The following DENND2A variants were observed in gnomAD, a reference collection of about 807,000 sequenced individuals.
DENND2A encodes DENN domain-containing protein 2A.
DENND2A carries 53 observed loss-of-function variants against 105.3 expected under a neutral mutation model. The observed-to-expected ratio is 0.50, with a 90% CI of 0.40 to 0.63. DENND2A has a LOEUF of 0.63. Among genes scored for constraint, DENND2A ranks in the 30% least tolerant of loss-of-function variants. The probability of loss-of-function intolerance (pLI) is 0.00; values close to 1 mark genes in which losing one functional copy is unlikely to be tolerated. For synonymous variants in DENND2A, 522 were observed against 508.4 expected (o/e 1.03, Z -0.36); for missense variants, 1,138 against 1,279.6 (o/e 0.89, Z 1.69).
intron 14 of DENND2A, among the ~76,000 whole-genome samples, chr7:140,533,802 G>T (rs1796356295): frequency 6.6e-6 from 1 of 152,272 alleles, no homozygotes; most frequent in East Asian, 1.9e-4. Context: ...TCTGTACCTG[G>T]TTATCATGAA....
At chr7:140,550,494 T>C (rs1047035984) in intron 12 of DENND2A, among the ~76,000 whole-genome samples, 1 of 152,184 alleles carries the variant, frequency 6.6e-6, no homozygotes, top group African/African-American at 2.4e-5. Flanking sequence ...CTAATTTTTG[T>C]ATTTTTAGTA....
chr7:140,544,535 A>T, intron 14 of DENND2A, 83 bp downstream of exon 14: 1 of 1,570,590 alleles, frequency 6.4e-7, no homozygotes, highest in Admixed American at 1.7e-5. Context: ...CTTCAATGCT[A>T]GGCGGTCACC....
chr7:140,544,519 C>A, intron 14 of DENND2A, 99 bp downstream of exon 14: 1 of 1,500,502 alleles, frequency 6.7e-7, no homozygotes, highest in East Asian at 2.3e-5. Flanking sequence ...CTCAGAAGGG[C>A]TTACTCTTCA....
At chr7:140,595,131 C>G (rs1367015421) in intron 3 of DENND2A, among the ~76,000 whole-genome samples, 1 of 152,058 alleles carries the variant, frequency 6.6e-6, no homozygotes, top group African/African-American at 2.4e-5. Flanking sequence ...CTCAGCCTCC[C>G]GAGGAGCTGG....
chr7:140,639,194 A>G (rs1028236533), intron 1 of DENND2A, among the ~76,000 whole-genome samples: 27 of 152,044 alleles, frequency 1.8e-4, no homozygotes, highest in East Asian at 5.8e-4. Flanking sequence ...TCTACTAAAA[A>G]TACAAAAATT....
intron 1 of DENND2A, among the ~76,000 whole-genome samples, chr7:140,623,349 C>T (rs1042728558): frequency 3.3e-5 from 5 of 151,298 alleles, no homozygotes; most frequent in African/African-American, 1.2e-4. Flanking sequence ...CCTTTCCCTC[C>T]CAGAGGAGAC....
intron 5 of DENND2A, among the ~76,000 whole-genome samples, chr7:140,580,609 T>C (rs532520897): frequency 6.6e-6 from 1 of 152,254 alleles, no homozygotes; most frequent in Non-Finnish European, 1.5e-5. Flanking sequence ...CATGGACCAC[T>C]GCACCCAGCC....
chr7:140,536,688 G>A (rs1170755358), intron 14 of DENND2A, among the ~76,000 whole-genome samples: 1 of 151,286 alleles, frequency 6.6e-6, no homozygotes, highest in Non-Finnish European at 1.5e-5. Context: ...TTTTTGAAAT[G>A]GAGTCTTGCT....
chr7:140,547,008 T>C (rs965024543), intron 12 of DENND2A, 69 bp from the exon 13 acceptor site: 1 of 1,552,836 alleles, frequency 6.4e-7, no homozygotes, highest in African/African-American at 1.4e-5. Context: ...CAGTTCTAGG[T>C]GAAGTGGGCC....
At chr7:140,541,429 G>A (rs372817874) in intron 14 of DENND2A, among the ~76,000 whole-genome samples, 1 of 152,034 alleles carries the variant, frequency 6.6e-6, no homozygotes, top group Non-Finnish European at 1.5e-5. Context: ...CACCACTCCT[G>A]GGGGGTGCTG....
chr7:140,560,791 G>T (rs896842054), intron 9 of DENND2A, among the ~76,000 whole-genome samples: 1 of 152,074 alleles, frequency 6.6e-6, no homozygotes, highest in Non-Finnish European at 1.5e-5. Flanking sequence ...AAAATTAGCT[G>T]GGTGTGGTGG....
chr7:140,580,904 T>A (rs1286275262), intron 5 of DENND2A, among the ~76,000 whole-genome samples: 1 of 150,674 alleles, frequency 6.6e-6, no homozygotes, highest in East Asian at 2.0e-4. Context: ...CCCAAAGTGC[T>A]GGGATTACAG....
intron 13 of DENND2A, among the ~76,000 whole-genome samples, chr7:140,545,341 G>A (rs972528142): frequency 6.6e-5 from 10 of 152,080 alleles, no homozygotes; most frequent in African/African-American, 2.4e-4. Flanking sequence ...TTCAGCTTTT[G>A]TGCTTTGTGT....
chr7:140,564,659 A>G (rs1797762722), intron 9 of DENND2A, among the ~76,000 whole-genome samples: 2 of 152,194 alleles, frequency 1.3e-5, no homozygotes, highest in African/African-American at 4.8e-5. Context: ...GTGAATGTGC[A>G]ACTTTACTCT....
chr7:140,559,566 A>G lies in DENND2A; in HGVS notation c.1889+142T>C, dbSNP rs1797529391. On this transcript the variant is annotated intron_variant, in intron 10 of 19. Transcript: ENST00000496613. The surrounding 1 kb of genome is among the most constrained non-coding windows in gnomAD (Gnocchi z 4.1). Reference sequence around the variant, plus strand: ...CTTCACCTTCAGGGAAGCTTTAAAAACACCCCTTGGGGAAAGCTCTAGGCC... The same window carrying G: ...CTTCACCTTCAGGGAAGCTTTAAAAGCACCCCTTGGGGAAAGCTCTAGGCC... The G allele has an allele frequency of 1.6e-6, 1 of 627,836 alleles. No homozygotes were observed. The highest frequency in any genetic ancestry group is 1.9e-5 in the African/African-American group (1 of 53,510). 38.9% of individuals were successfully genotyped at this position (627,836 alleles called of 1,614,324 possible). A position where few individuals can be genotyped will look rare whatever the true frequency, so the allele number is the denominator to read the frequency against.
upstream of DENND2A, among the ~76,000 whole-genome samples, chr7:140,640,979 G>C (rs573925276): frequency 8.4e-4 from 126 of 150,746 alleles, no homozygotes; most frequent in African/African-American, 2.9e-3. The surrounding 1 kb of genome is among the most constrained non-coding windows in gnomAD (Gnocchi z 4.9). Flanking sequence ...CTCGCCTCTC[G>C]GGGTGGGGGA....
chr7:140,625,900 C>T (rs1232173054), intron 1 of DENND2A, among the ~76,000 whole-genome samples: 1 of 152,068 alleles, frequency 6.6e-6, no homozygotes, highest in Non-Finnish European at 1.5e-5. Context: ...GTTTTGACAC[C>T]TCAAATTAAG....
At chr7:140,621,546 G>A (rs563525581) in intron 1 of DENND2A, among the ~76,000 whole-genome samples, 3 of 152,008 alleles carry the variant, frequency 2.0e-5, no homozygotes, top group African/African-American at 7.2e-5. Context: ...TTTTTTCTGA[G>A]TATTTTCAGT....
intron 19 of DENND2A, 38 bp downstream of exon 19, chr7:140,519,594 A>G (rs1184958054): frequency 6.3e-7 from 1 of 1,582,752 alleles, no homozygotes; most frequent in Non-Finnish European, 8.7e-7. Context: ...GACAGCTCAG[A>G]GGCACACAGG....
Sources: gnomAD v4.1 joint callset for allele counts (sites outside exome capture counted in the v4.1 genomes callset) on GRCh38, gnomAD v4.1.1 for gene constraint, Gnocchi (gnomAD v3.1) non-coding constraint, MANE v1.5 for transcripts, NCBI Gene and HGNC (gene_info 2026-07-23, HGNC 2026-07-21) for gene names.